Variants in PTPRD observed in about 807,000 individuals in gnomAD.
PTPRD encodes the protein receptor-type tyrosine-protein phosphatase delta.
Under a neutral mutation model 214.5 loss-of-function variants are expected in PTPRD, and 34 were observed. The ratio of observed to expected loss-of-function variants is 0.16; its 90% CI spans 0.12 to 0.21. The LOEUF is 0.21. Among genes scored for constraint, PTPRD ranks in the 10% least tolerant of loss-of-function variants. PTPRD has a pLI of 1.00. For missense variants in PTPRD, 2,545 were observed against 2,398.7 expected, an observed-to-expected ratio of 1.06 and a Z score of -1.27; for synonymous variants, 1,128 against 845.7, an observed-to-expected ratio of 1.33 and a Z score of -5.79.
chr9:10,247,603 C>T (rs1229202922), intron 3 of PTPRD, among the ~76,000 whole-genome samples: 1 of 152,060 alleles, frequency 6.6e-6, no homozygotes, highest in Non-Finnish European at 1.5e-5. Context: ...CAGATATTTC[C>T]CCCTGAATGT....
intron 2 of PTPRD, among the ~76,000 whole-genome samples, chr9:10,354,604 A>G (rs943189081): frequency 1.3e-5 from 2 of 152,306 alleles, no homozygotes; most frequent in African/African-American, 4.8e-5. Context: ...ATTGTATTTT[A>G]CTTAGCAATT....
intron 10 of PTPRD, among the ~76,000 whole-genome samples, chr9:9,129,371 CAG>C (rs955161359): frequency 2.6e-5 from 4 of 152,198 alleles, no homozygotes; most frequent in Admixed American, 6.5e-5. Flanking sequence ...GCCTGGGCAA[CAG>C]AGACTCCGTC....
intron 14 of PTPRD, among the ~76,000 whole-genome samples, chr9:8,554,713 T>C (rs1050225271): frequency 6.6e-6 from 1 of 152,192 alleles, no homozygotes; most frequent in Non-Finnish European, 1.5e-5. Flanking sequence ...GGATAAGAAT[T>C]CATTCACTGT....
chr9:10,139,954 A>T (rs1243187001), intron 3 of PTPRD, among the ~76,000 whole-genome samples: 3 of 152,220 alleles, frequency 2.0e-5, no homozygotes, highest in African/African-American at 7.2e-5. Flanking sequence ...AATCCAGAAC[A>T]TACTTTCTTG....
At chr9:10,348,291 A>G (rs955045711) in intron 2 of PTPRD, among the ~76,000 whole-genome samples, 2 of 152,180 alleles carry the variant, frequency 1.3e-5, no homozygotes, top group African/African-American at 2.4e-5. Context: ...ACCTATGCCA[A>G]TGATCTACTT....
At chr9:9,989,237 G>A (rs914741826) in intron 4 of PTPRD, among the ~76,000 whole-genome samples, 7 of 151,692 alleles carry the variant, frequency 4.6e-5, no homozygotes, top group African/African-American at 1.7e-4. Context: ...CCCTGGCGAG[G>A]GTCCATCCTC....
At chr9:8,637,703 T>C (rs945357436) in intron 12 of PTPRD, among the ~76,000 whole-genome samples, 1 of 152,228 alleles carries the variant, frequency 6.6e-6, no homozygotes, top group African/African-American at 2.4e-5. Flanking sequence ...TGCACAAAGA[T>C]ATTCATCATA....
intron 3 of PTPRD, among the ~76,000 whole-genome samples, chr9:10,092,829 G>C (rs1163031214): frequency 6.6e-6 from 1 of 151,276 alleles, no homozygotes; most frequent in Non-Finnish European, 1.5e-5. Context: ...CTGCAACAAA[G>C]TTGACAAAAT....
intron 5 of PTPRD, among the ~76,000 whole-genome samples, chr9:9,830,510 T>C (rs965733397): frequency 2.0e-5 from 3 of 151,884 alleles, no homozygotes; most frequent in Non-Finnish European, 4.4e-5. Context: ...CATTGTAACA[T>C]CTTTATGATT....
chr9:8,719,175 A>G (rs2098466471), intron 12 of PTPRD, among the ~76,000 whole-genome samples: 1 of 152,192 alleles, frequency 6.6e-6, no homozygotes, highest in Admixed American at 6.5e-5. Flanking sequence ...CCGTGCAATG[A>G]AAACTATCCC....
chr9:9,229,949 T>C (rs540578771), intron 9 of PTPRD, among the ~76,000 whole-genome samples: 19 of 152,266 alleles, frequency 1.2e-4, no homozygotes. Context: ...ACTAGATTCA[T>C]TGTTGAGATT....
At chr9:9,900,757 C>T (rs1284663031) in intron 5 of PTPRD, among the ~76,000 whole-genome samples, 1 of 151,550 alleles carries the variant, frequency 6.6e-6, no homozygotes, top group African/African-American at 2.4e-5. Context: ...CTGCCTCAGC[C>T]TCCCGAGTAG....
At chr9:9,065,725 C>A (rs1036378702) in intron 10 of PTPRD, among the ~76,000 whole-genome samples, 5 of 152,100 alleles carry the variant, frequency 3.3e-5, no homozygotes, top group Admixed American at 2.6e-4. Context: ...CAAACTTTCC[C>A]TCTCAAGTCA....
At chr9:8,765,133 C>A (rs139086565) in intron 11 of PTPRD, among the ~76,000 whole-genome samples, 1 of 152,018 alleles carries the variant, frequency 6.6e-6, no homozygotes, top group Non-Finnish European at 1.5e-5. Flanking sequence ...TTGCAATTAC[C>A]AAATGCTAAA....
chr9:10,489,723 G>T (rs1218092171), intron 2 of PTPRD, among the ~76,000 whole-genome samples: 1 of 152,078 alleles, frequency 6.6e-6, no homozygotes, highest in Admixed American at 6.5e-5. Flanking sequence ...GGTTTAAATG[G>T]TCCCTCCATG....
intron 7 of PTPRD, among the ~76,000 whole-genome samples, chr9:9,688,496 T>G (rs1174021339): frequency 6.6e-6 from 1 of 151,882 alleles, no homozygotes; most frequent in African/African-American, 2.4e-5. Context: ...TAAATGAGCC[T>G]ATGATTAAGA....
chr9:8,439,935 A>ATTTTTTTTTTTTTTTTTTTTT lies in PTPRD; in HGVS notation c.3989-3267_3989-3247dup, dbSNP rs1166530719. Reference sequence around the variant, plus strand: ...CATTTAAATTACTTGATGTGCTTTAATTTTTTTTTTTTTTTTTTTTTTTTT... The same window carrying ATTTTTTTTTTTTTTTTTTTTT: ...CATTTAAATTACTTGATGTGCTTTAATTTTTTTTTTTTTTTTTTTTTTTTTTTTTTTTTTTTTTTTTTTTTT... On this transcript the variant is annotated intron_variant, in intron 34 of 45. Coordinates refer to ENST00000381196, the MANE Select transcript of PTPRD (RefSeq NM_002839.4). Among the ~76,000 whole-genome samples, 19 of 73,318 alleles carry ATTTTTTTTTTTTTTTTTTTTT rather than the reference A, an allele frequency of 2.6e-4. 2 individuals are homozygous for ATTTTTTTTTTTTTTTTTTTTT. The highest frequency in any genetic ancestry group is 9.8e-4 in the East Asian group (2 of 2,034). The allele number at this position is 73,318 out of a possible 152,430, so 48.1% of individuals were successfully genotyped here.
chr9:10,503,209 A>AAAAAAAAAAAC (rs1566570259), intron 2 of PTPRD, among the ~76,000 whole-genome samples: 3 of 92,968 alleles, frequency 3.2e-5, no homozygotes, highest in Non-Finnish European at 6.0e-5. Context: ...AAAAAAAAAC[A>AAAAAAAAAAAC]AAAAAAAACA....
intron 21 of PTPRD, among the ~76,000 whole-genome samples, chr9:8,508,891 CTGTGTGTGTG>C (rs59265464): frequency 2.0e-4 from 28 of 140,502 alleles, no homozygotes; most frequent in African/African-American, 4.9e-4. Flanking sequence ...GTGTGTGTGT[CTGTGTGTGTG>C]TGTGTGTGTG....
Sources: allele counts gnomAD v4.1 joint callset (sites outside exome capture counted in the v4.1 genomes callset), GRCh38; gene constraint gnomAD v4.1.1; transcripts MANE v1.5; gene names NCBI Gene and HGNC (gene_info 2026-07-23, HGNC 2026-07-21).